SYNE2: variants seen among roughly 807,000 people sequenced by gnomAD.
The protein encoded by SYNE2 is nesprin-2.
In SYNE2, 431 loss-of-function variants were observed where a neutral mutation model predicts 856.3. The observed-to-expected ratio is 0.50, with a 90% confidence interval of 0.47 to 0.55. SYNE2 has a LOEUF of 0.55. SYNE2 is among the 20% of genes least tolerant of loss of function. The pLI, the probability that SYNE2 is intolerant of heterozygous loss-of-function variation, is 0.00. For missense variants in SYNE2, 8,129 were observed against 8,023.2 expected (o/e 1.01, Z -0.50); for synonymous variants, 2,923 against 2,872.3 (o/e 1.02, Z -0.56).
At chr14:63,819,737 C>T (rs187698770) in intron 1 of SYNE2, among the ~76,000 whole-genome samples, 4,791 of 151,890 alleles carry the variant, frequency 0.032, 268 homozygotes, top group African/African-American at 0.11. Context: ...GGGGTTTCAC[C>T]GTGTTAGCCA....
chr14:63,810,870 T>C (rs1346923544), intron 1 of SYNE2, among the ~76,000 whole-genome samples: 5 of 152,236 alleles, frequency 3.3e-5, no homozygotes, highest in Non-Finnish European at 5.9e-5. Context: ...AGTCTTGCTC[T>C]GTTGCCCATG....
intron 38 of SYNE2, chr14:64,023,640 C>CG (rs964259261): frequency 6.4e-6 from 1 of 155,296 alleles, no homozygotes; most frequent in African/African-American, 2.4e-5. Context: ...GCAGAGTTCA[C>CG]GGGGGCGTAT....
intron 112 of SYNE2, 91 bp from the exon 113 acceptor site, chr14:64,223,098 G>A (rs2098702464): frequency 1.5e-6 from 2 of 1,377,606 alleles, no homozygotes; most frequent in Non-Finnish European, 1.0e-6. Context: ...CATTCATTCT[G>A]GAATTTTTCT....
At chr14:63,948,942 C>A (rs920789002) in intron 6 of SYNE2, among the ~76,000 whole-genome samples, 1 of 151,130 alleles carries the variant, frequency 6.6e-6, no homozygotes, top group Non-Finnish European at 1.5e-5. Context: ...ATTGCTGCAG[C>A]TTGATTTATG....
chr14:64,205,980 C>T (rs949267124), intron 100 of SYNE2, among the ~76,000 whole-genome samples: 2 of 151,254 alleles, frequency 1.3e-5, no homozygotes, highest in African/African-American at 4.8e-5. Context: ...CTACCCAAGC[C>T]CCTCCCACAG....
chr14:64,143,689 G>GC (rs151141185), intron 82 of SYNE2, 83 bp from the exon 83 acceptor site: 1 of 1,451,196 alleles, frequency 6.9e-7, no homozygotes, highest in Non-Finnish European at 9.7e-7. Context: ...GGAGCTTGGT[G>GC]CCCCCTCGAG....
chr14:63,906,920 TC>T (rs2095415626), intron 1 of SYNE2, among the ~76,000 whole-genome samples: 1 of 152,190 alleles, frequency 6.6e-6, no homozygotes, highest in Admixed American at 6.5e-5. Flanking sequence ...TCTCAGTCTA[TC>T]CTCACATGGT....
chr14:64,108,166 G>C (rs1435413305), intron 65 of SYNE2, among the ~76,000 whole-genome samples: 1 of 151,980 alleles, frequency 6.6e-6, no homozygotes, highest in Non-Finnish European at 1.5e-5. Context: ...CTGACCAACA[G>C]GCTGGTGAAA....
chr14:63,996,911 C>T (rs750626534), intron 23 of SYNE2, 36 bp from the exon 24 acceptor site: 1 of 1,593,068 alleles, frequency 6.3e-7, no homozygotes, highest in Non-Finnish European at 8.6e-7. Context: ...TGTAAACTCA[C>T]CAGAAGCACA....
chr14:64,134,344 A>G, intron 78 of SYNE2, 144 bp downstream of exon 78: 1 of 931,378 alleles, frequency 1.1e-6, no homozygotes. Context: ...GTATTCAGGG[A>G]GACTACAGAT....
chr14:64,194,405 A>G (rs1208521455), intron 99 of SYNE2, among the ~76,000 whole-genome samples: 1 of 151,376 alleles, frequency 6.6e-6, no homozygotes, highest in Non-Finnish European at 1.5e-5. Context: ...CAATTCTCCT[A>G]CCTCAGCCTC....
chr14:63,839,272 GCCTACCTTGGCCTC>G (rs1468739676), intron 1 of SYNE2, among the ~76,000 whole-genome samples: 1 of 151,448 alleles, frequency 6.6e-6, no homozygotes, highest in Non-Finnish European at 1.5e-5. Flanking sequence ...CTCGTGATCC[GCCTACCTTGGCCTC>G]CCAAAGTGCT....
chr14:63,976,475 T>A, intron 11 of SYNE2, 88 bp from the exon 12 acceptor site: 2 of 1,418,590 alleles, frequency 1.4e-6, no homozygotes, highest in Non-Finnish European at 2.0e-6. Flanking sequence ...CCAGAGAAAC[T>A]TCAAAGAATC....
chr14:64,209,662 T>C (rs1218909061), intron 102 of SYNE2, 84 bp downstream of exon 102: 2 of 1,573,732 alleles, frequency 1.3e-6, no homozygotes, highest in Non-Finnish European at 1.7e-6. Flanking sequence ...TTCCTCTAAG[T>C]AGCCAGCTTC....
Position 64,051,799 on chromosome 14 carries a change from C to A in SYNE2, c.7886C>A (p.Thr2629Lys). 1 of 1,614,146 alleles carries A rather than the reference C, an allele frequency of 6.2e-7. No individual in the cohort carries two copies. Among genetic ancestry groups the A allele is most frequent in the East Asian group, 2.2e-5 (1 of 44,888 alleles). Residue 2629 changes from threonine to lysine, a missense_variant, in exon 48 of 116, where the codon ACA (threonine) becomes AAA (lysine). Physicochemically the swap from Thr to Lys is moderately conservative, Grantham distance 78. This residue lies in a region of SYNE2 where 5,410 missense variants were observed against 5,284.8 expected (regional missense o/e 1.02). Transcript: ENST00000555002. ...SQQVVEYDEF[T>K]TLMNKVQDTE... ...CAGGTAGTGGAATATGATGAATTTA[C>A]AACCCTCATGAATAAGGTACAGGAC...
rs150256472 is a variant in SYNE2, at chr14:64,203,907, G to T, written c.18201+944G>T. On this transcript the variant is annotated intron_variant, in intron 100 of 115. Coordinates refer to ENST00000555002, the MANE Select transcript of SYNE2 (RefSeq NM_182914.3). The stretch of plus-strand genomic sequence containing the variant: ...ACTGTTGACATTTTTTTAAGAGATG[G>T]AGTCTCACTATATTGCCCCGGCTGG... Among the ~76,000 whole-genome samples the T allele has an allele frequency of 2.6e-5, 4 of 152,192 alleles. No homozygotes were observed. The East Asian group carries it at 7.7e-4, about 29-fold the overall frequency.
In SYNE2 at chr14:64,042,733, C is replaced by T. The variant is rs552676595; in HGVS notation, c.7222-5267C>T. Among the ~76,000 whole-genome samples the T allele has an allele frequency of 8.7e-5, 13 of 150,058 alleles. No homozygotes were observed. The East Asian group carries it at 1.8e-3, about 21-fold the overall frequency. On this transcript the variant is annotated intron_variant, in intron 45 of 115. Coordinates refer to ENST00000555002, the MANE Select transcript of SYNE2 (RefSeq NM_182914.3). The stretch of plus-strand genomic sequence containing the variant: ...CATGATTGTGAGGCTTCCCCAGCCA[C>T]GTGGAACTGTAAATCCATTAAACCT...
chr14:63,884,082 C>G (rs1005252511), intron 1 of SYNE2, among the ~76,000 whole-genome samples: 1 of 152,144 alleles, frequency 6.6e-6, no homozygotes, highest in African/African-American at 2.4e-5. Context: ...GGAGCCACAG[C>G]CTGGATGTCA....
intron 108 of SYNE2, among the ~76,000 whole-genome samples, chr14:64,216,728 T>TTTG (rs1039489041): frequency 3.3e-5 from 5 of 152,114 alleles, no homozygotes; most frequent in Non-Finnish European, 5.9e-5. Flanking sequence ...CCTTTGTCTT[T>TTTG]TTGTTGTTGT....
Sources: allele counts gnomAD v4.1 joint callset (sites outside exome capture counted in the v4.1 genomes callset), GRCh38; gene constraint gnomAD v4.1.1; regional missense constraint gnomAD v4.1.1; transcripts MANE v1.5; gene names NCBI Gene and HGNC (gene_info 2026-07-23, HGNC 2026-07-21).